DISP1: variants seen among roughly 807,000 people sequenced by gnomAD.
DISP1 encodes the protein dispatched RND transporter family member 1.
A neutral mutation model predicts 37.3 loss-of-function variants in DISP1; 30 were observed. The ratio of observed to expected loss-of-function variants is 0.80; its 90% CI spans 0.60 to 1.09. DISP1 has a LOEUF of 1.09. DISP1 is among the 50% of genes least tolerant of loss of function. The pLI is 0.00. For missense variants in DISP1, 1,598 were observed against 1,879.5 expected, an observed-to-expected ratio of 0.85 and a Z score of 2.77; for synonymous variants, 634 against 690.2, an observed-to-expected ratio of 0.92 and a Z score of 1.28.
At chr1:222,914,190 G>A (rs17163559) in intron 1 of DISP1, among the ~76,000 whole-genome samples, 23,713 of 151,898 alleles carry the variant, frequency 0.16, 1,942 homozygotes, top group East Asian at 0.3. Flanking sequence ...CCTTTAGGGA[G>A]ACTTATGCAA....
intron 3 of DISP1, among the ~76,000 whole-genome samples, chr1:222,961,608 T>C (rs1219644952): frequency 3.3e-5 from 5 of 152,320 alleles, no homozygotes; most frequent in East Asian, 1.9e-4. Flanking sequence ...GTATTGGAAG[T>C]TCTGGCCAGG....
chr1:222,831,008 C>A (rs1179478174), intron 1 of DISP1: 3 of 152,132 alleles, frequency 2.0e-5, no homozygotes, highest in Non-Finnish European at 4.4e-5. Context: ...TATGGTGGCA[C>A]ATGTGACTGA....
In DISP1 at chr1:222,990,836, C is replaced by A; in HGVS notation, c.663+88C>A. 4.5e-6 allele frequency: 7 copies of A among 1,547,388 alleles called. No individual in the cohort carries two copies. The South Asian group carries it at 6.7e-5, about 15-fold the overall frequency. On this transcript the variant is annotated intron_variant, in intron 5 of 8. Transcript: ENST00000675850. Reference sequence around the variant, plus strand: ...ATGTTGCATTATGTTATTTAGTAACCCATTTCTTTAAAAACCTTCTCAAGC... The same window carrying A: ...ATGTTGCATTATGTTATTTAGTAACACATTTCTTTAAAAACCTTCTCAAGC...
intron 1 of DISP1, chr1:222,836,889 T>C: frequency 2.6e-6 from 1 of 390,140 alleles, no homozygotes; most frequent in Non-Finnish European, 4.5e-6. Context: ...CTTAGGTAAA[T>C]AACTCTGATT....
At chr1:222,936,642 G>GGTATATATA in intron 2 of DISP1, among the ~76,000 whole-genome samples, 1 of 95,056 alleles carries the variant, frequency 1.1e-5, no homozygotes, top group Non-Finnish European at 1.9e-5. Context: ...ATATATATGA[G>GGTATATATA]ATATATATAT....
At chr1:222,905,201 A>C (rs1333815252) in intron 1 of DISP1, among the ~76,000 whole-genome samples, 1 of 152,220 alleles carries the variant, frequency 6.6e-6, no homozygotes, top group Admixed American at 6.5e-5. Context: ...AAATAATTTA[A>C]GAAATATTTC....
chr1:222,825,995 G>A (rs34893395), intron 1 of DISP1, among the ~76,000 whole-genome samples: 16,486 of 152,194 alleles, frequency 0.11, 1,257 homozygotes, highest in South Asian at 0.16. Context: ...TTGACTTCCT[G>A]GGCTGAGGCA....
chr1:222,896,380 C>A (rs1300977437), intron 1 of DISP1, among the ~76,000 whole-genome samples: 2 of 151,972 alleles, frequency 1.3e-5, no homozygotes. Flanking sequence ...GCAGGTAGAT[C>A]ACCTGAGGTC....
chr1:222,848,043 GGAAT>G (rs1668017341), intron 1 of DISP1, among the ~76,000 whole-genome samples: 2 of 151,432 alleles, frequency 1.3e-5, no homozygotes, highest in South Asian at 4.2e-4. Context: ...TTTTTTGGGG[GGAAT>G]ATTTTAGGAT....
Position 223,003,436 on chromosome 1 carries a change from A to G in DISP1, c.2039A>G (p.Asn680Ser). ...FKKPQQQIYDNKSCWTVACQK... is the reference protein window; with the variant it reads ...FKKPQQQIYDSKSCWTVACQK... ...AAGCCCCAGCAGCAAATATATGATA[A>G]CAAAAGCTGCTGGACAGTGGCTTGC... Residue 680 changes from asparagine to serine, a missense_variant, in exon 9 of 9, where the codon AAC becomes AGC. Asn to Ser is a conservative substitution (Grantham distance 46, BLOSUM62 1). Coordinates refer to ENST00000675850, the MANE Select transcript of DISP1 (RefSeq NM_001377229.1). The surrounding 1 kb of genome is among the most constrained non-coding windows in gnomAD (Gnocchi z 4.3). 6.2e-7 allele frequency: 1 copy of G among 1,614,186 alleles called. No individual in the cohort carries two copies. The highest frequency in any genetic ancestry group is 1.1e-5 in the South Asian group (1 of 91,080).
At chr1:222,867,479 A>C (rs1669262049) in intron 1 of DISP1, among the ~76,000 whole-genome samples, 2 of 152,062 alleles carry the variant, frequency 1.3e-5, no homozygotes, top group Non-Finnish European at 2.9e-5. Context: ...CATGTGGTTA[A>C]TTTGTTAGGA....
intron 1 of DISP1, among the ~76,000 whole-genome samples, chr1:222,840,350 T>G (rs1456719353): frequency 3.9e-5 from 6 of 152,090 alleles, no homozygotes; most frequent in African/African-American, 1.4e-4. Context: ...CAAGCAATTC[T>G]TGTGCCTTAG....
At chr1:222,842,862 T>C (rs1273685780) in intron 1 of DISP1, among the ~76,000 whole-genome samples, 1 of 152,052 alleles carries the variant, frequency 6.6e-6, no homozygotes, top group African/African-American at 2.4e-5. Context: ...AGATGACTCT[T>C]TGGGATATAA....
At position 222,827,050 on chromosome 1, in the gene DISP1, G is replaced by T. The variant is rs369333769; in HGVS notation, c.-159+11972G>T. On this transcript the variant is annotated intron_variant, in intron 1 of 8. Transcript: ENST00000675850. ...CTTTAGTTTTAGTGGTTGTCAGTTG[G>T]TTTCTCACAAGACGTTTTCTGCCTT... Among the ~76,000 whole-genome samples, 104 of 152,238 alleles carry T rather than the reference G, an allele frequency of 6.8e-4. No individual in the cohort carries two copies. In the East Asian group the frequency reaches 8.1e-3, roughly 12 times the overall value.
chr1:222,879,924 G>A (rs1348923662), intron 1 of DISP1, among the ~76,000 whole-genome samples: 1 of 151,824 alleles, frequency 6.6e-6, no homozygotes, highest in Non-Finnish European at 1.5e-5. Flanking sequence ...ATATAGAGGA[G>A]CATAACATTA....
At chr1:222,892,205 G>A (rs1255113988) in intron 1 of DISP1, among the ~76,000 whole-genome samples, 2 of 152,178 alleles carry the variant, frequency 1.3e-5, no homozygotes, top group Non-Finnish European at 1.5e-5. Flanking sequence ...AGAGGTTACT[G>A]ATTAAATTCA....
At chr1:222,932,367 A>G (rs1157114251) in intron 2 of DISP1, among the ~76,000 whole-genome samples, 2 of 151,964 alleles carry the variant, frequency 1.3e-5, no homozygotes, top group African/African-American at 4.8e-5. Context: ...GCAGCCAGAG[A>G]TGAGACTGCT....
intron 3 of DISP1, among the ~76,000 whole-genome samples, chr1:222,974,243 T>C (rs1020541415): frequency 6.6e-6 from 1 of 152,140 alleles, no homozygotes; most frequent in Non-Finnish European, 1.5e-5. Flanking sequence ...AGAAAACTGT[T>C]ACACACACCA....
chr1:222,932,408 T>TA (rs1235208398), intron 2 of DISP1, among the ~76,000 whole-genome samples: 1 of 152,124 alleles, frequency 6.6e-6, no homozygotes, highest in Admixed American at 6.6e-5. Context: ...TTAATATTCA[T>TA]ATTTAATGCA....
Sources: gnomAD v4.1 joint callset for allele counts (sites outside exome capture counted in the v4.1 genomes callset) on GRCh38, gnomAD v4.1.1 for gene constraint, Gnocchi (gnomAD v3.1) non-coding constraint, MANE v1.5 for transcripts, NCBI Gene and HGNC (gene_info 2026-07-23, HGNC 2026-07-21) for gene names.